Variants in KSR2 observed in about 807,000 individuals in gnomAD.
KSR2 encodes the protein kinase suppressor of ras 2.
Under a neutral mutation model 107.8 loss-of-function variants are expected in KSR2, and 25 were observed. The observed-to-expected ratio is 0.23, with a 90% CI of 0.17 to 0.32. KSR2 has a LOEUF of 0.32. KSR2 is among the 10% of genes least tolerant of loss of function. The pLI is 1.00. For synonymous variants in KSR2, 480 were observed against 507.0 expected, an observed-to-expected ratio of 0.95 and a Z score of 0.71; for missense variants, 887 against 1,268.9, an observed-to-expected ratio of 0.70 and a Z score of 4.57.
intron 4 of KSR2, among the ~76,000 whole-genome samples, chr12:117,699,152 A>G (rs139825368): frequency 6.6e-6 from 1 of 152,180 alleles, no homozygotes; most frequent in Non-Finnish European, 1.5e-5. Context: ...CTATATGAAG[A>G]CAGGGCCTTT....
At chr12:117,673,154 T>C (rs626400) in intron 4 of KSR2, among the ~76,000 whole-genome samples, 59,139 of 151,958 alleles carry the variant, frequency 0.39, 14,096 homozygotes, top group Middle Eastern at 0.55. Context: ...TTACCAACCA[T>C]GGCCACAGAT....
chr12:117,662,390 G>A (rs191018979), intron 5 of KSR2, among the ~76,000 whole-genome samples: 24 of 152,090 alleles, frequency 1.6e-4, no homozygotes, highest in African/African-American at 5.3e-4. Context: ...CCCTTCCAGC[G>A]GCCGCTTTCT....
intron 1 of KSR2, among the ~76,000 whole-genome samples, chr12:117,881,123 AT>A (rs1321629547): frequency 6.6e-6 from 1 of 152,210 alleles, no homozygotes; most frequent in Admixed American, 6.5e-5. Flanking sequence ...AACAATGAAC[AT>A]GATGAGTTTC....
At chr12:117,648,506 G>A (rs1883753379) in intron 5 of KSR2, among the ~76,000 whole-genome samples, 1 of 152,172 alleles carries the variant, frequency 6.6e-6, no homozygotes, top group Non-Finnish European at 1.5e-5. Context: ...AATGTAGCAG[G>A]CTATGGATAT....
At chr12:117,736,607 C>T (rs1887948881) in intron 4 of KSR2, among the ~76,000 whole-genome samples, 1 of 152,040 alleles carries the variant, frequency 6.6e-6, no homozygotes, top group Admixed American at 6.6e-5. Context: ...TCCAAGAGTT[C>T]GAGTCCAGCC....
chr12:117,747,234 A>T (rs1888441071), intron 4 of KSR2, among the ~76,000 whole-genome samples: 2 of 152,232 alleles, frequency 1.3e-5, no homozygotes, highest in South Asian at 4.1e-4. Context: ...CATATGCACC[A>T]TGGAATACTA....
intron 3 of KSR2, among the ~76,000 whole-genome samples, chr12:117,810,039 G>A (rs1891141401): frequency 6.6e-6 from 1 of 152,196 alleles, no homozygotes; most frequent in African/African-American, 2.4e-5. Flanking sequence ...TCTCAGCTAG[G>A]AGGAAGTAGA....
At chr12:117,922,219 C>A (rs1401464203) in intron 1 of KSR2, among the ~76,000 whole-genome samples, 4 of 152,158 alleles carry the variant, frequency 2.6e-5, no homozygotes, top group East Asian at 3.9e-4. Flanking sequence ...CAACATCCTA[C>A]AAAATTTTCA....
chr12:117,530,904 G>A lies in KSR2; in HGVS notation c.1802+37C>T, dbSNP rs374894963. On this transcript the variant is annotated intron_variant, in intron 12 of 19. Transcript: ENST00000339824. ...TGGATTGTAGGGCCAGGGCTGGGAA[G>A]CTTGGGAAAGGGGGAAGATGTCTCT... 5.1e-6 allele frequency: 8 copies of A among 1,583,694 alleles called. No individual in the cohort carries two copies. In the African/African-American group the frequency reaches 6.7e-5, roughly 13 times the overall value.
chr12:117,633,959 G>A (rs1284453980), intron 5 of KSR2, among the ~76,000 whole-genome samples: 3 of 152,168 alleles, frequency 2.0e-5, no homozygotes, highest in Admixed American at 6.5e-5. Context: ...AGGCAGCCCT[G>A]CCTGACTCTG....
chr12:117,883,766 C>T (rs902146141), intron 1 of KSR2, among the ~76,000 whole-genome samples: 1 of 150,804 alleles, frequency 6.6e-6, no homozygotes, highest in Non-Finnish European at 1.5e-5. Context: ...ATCCCAGCTA[C>T]TTGGGAGGCT....
intron 5 of KSR2, among the ~76,000 whole-genome samples, chr12:117,635,682 C>T (rs887370774): frequency 2.0e-5 from 3 of 152,102 alleles, no homozygotes; most frequent in African/African-American, 7.2e-5. Context: ...AGAAAAGTTG[C>T]AGAGATAGTA....
chr12:117,607,144 A>G (rs1177957747), intron 5 of KSR2, among the ~76,000 whole-genome samples: 1 of 152,168 alleles, frequency 6.6e-6, no homozygotes, highest in Non-Finnish European at 1.5e-5. Context: ...TGTCTGGTTC[A>G]TCTCAGCCTC....
intron 3 of KSR2, among the ~76,000 whole-genome samples, chr12:117,770,908 C>T (rs1889425809): frequency 7.0e-6 from 1 of 143,632 alleles, no homozygotes; most frequent in Non-Finnish European, 1.5e-5. Context: ...ACCCGGGAGG[C>T]GGAGCTTGCA....
chr12:117,871,698 A>G (rs1593325428), intron 1 of KSR2, among the ~76,000 whole-genome samples: 2 of 102,696 alleles, frequency 1.9e-5, no homozygotes, highest in South Asian at 4.9e-4. Context: ...AGATAGATAG[A>G]TATATATATT....
At chr12:117,709,893 G>C (rs1383938108) in intron 4 of KSR2, among the ~76,000 whole-genome samples, 1 of 152,170 alleles carries the variant, frequency 6.6e-6, no homozygotes, top group Non-Finnish European at 1.5e-5. Flanking sequence ...CTGGGAGGGG[G>C]CAAAATCACC....
At chr12:117,888,816 A>G (rs1169704241) in intron 1 of KSR2, among the ~76,000 whole-genome samples, 2 of 152,154 alleles carry the variant, frequency 1.3e-5, no homozygotes, top group Non-Finnish European at 2.9e-5. Flanking sequence ...AGTCTATGGT[A>G]TTTTGTTACG....
intron 4 of KSR2, among the ~76,000 whole-genome samples, chr12:117,713,303 T>G (rs1441667395): frequency 6.6e-6 from 1 of 152,224 alleles, no homozygotes; most frequent in South Asian, 2.1e-4. Flanking sequence ...TCATTATCCA[T>G]GTCTATAGAT....
At chr12:117,902,102 G>A (rs576646691) in intron 1 of KSR2, among the ~76,000 whole-genome samples, 6 of 152,204 alleles carry the variant, frequency 3.9e-5, no homozygotes, top group Admixed American at 6.5e-5. Flanking sequence ...ATGTGATTTC[G>A]AACTCAGTTT....
Sources: gnomAD v4.1 joint callset for allele counts (sites outside exome capture counted in the v4.1 genomes callset) on GRCh38, gnomAD v4.1.1 for gene constraint, MANE v1.5 for transcripts, NCBI Gene and HGNC (gene_info 2026-07-23, HGNC 2026-07-21) for gene names.